RNF157: variants seen among roughly 807,000 people sequenced by gnomAD.
RNF157 encodes ring finger protein 157, also known as E3 ubiquitin ligase RNF157.
RNF157 carries 55 observed loss-of-function variants against 88.3 expected under a neutral mutation model. The observed-to-expected ratio is 0.62, with a 90% CI of 0.50 to 0.78. RNF157 has a LOEUF of 0.78. RNF157 is among the 30% of genes least tolerant of loss of function. RNF157 has a pLI of 0.00. For missense variants in RNF157, 788 were observed against 860.8 expected (o/e 0.92, Z 1.06); for synonymous variants, 334 against 341.2 (o/e 0.98, Z 0.23).
At chr17:76,171,185 C>T (rs973429931) in intron 3 of RNF157, among the ~76,000 whole-genome samples, 14 of 149,760 alleles carry the variant, frequency 9.3e-5, no homozygotes, top group Non-Finnish European at 1.8e-4. Flanking sequence ...AGCCACTGCA[C>T]CGGGCCTTAT....
intron 1 of RNF157, among the ~76,000 whole-genome samples, chr17:76,214,103 A>G (rs923825117): frequency 6.6e-6 from 1 of 152,222 alleles, no homozygotes; most frequent in Non-Finnish European, 1.5e-5. Flanking sequence ...TTGGAAGCAC[A>G]GGTAAAACAA....
intron 2 of RNF157, among the ~76,000 whole-genome samples, chr17:76,204,289 T>C (rs972924930): frequency 1.3e-5 from 2 of 152,168 alleles, no homozygotes; most frequent in Non-Finnish European, 2.9e-5. Context: ...TAGGAAATCC[T>C]ACTTATCCCT....
At chr17:76,185,691 G>C (rs190164071) in intron 2 of RNF157, among the ~76,000 whole-genome samples, 1 of 151,802 alleles carries the variant, frequency 6.6e-6, no homozygotes, top group Non-Finnish European at 1.5e-5. Context: ...GGATGGTCTC[G>C]ATCTCCTGAC....
chr17:76,204,592 A>G (rs544740428), intron 2 of RNF157, among the ~76,000 whole-genome samples: 249 of 152,330 alleles, frequency 1.6e-3, no homozygotes, highest in African/African-American at 5.6e-3. Context: ...ACAAAGCTCT[A>G]TAAGTGCAAA....
chr17:76,210,333 C>T (rs1036048679), intron 2 of RNF157, among the ~76,000 whole-genome samples: 1 of 151,882 alleles, frequency 6.6e-6, no homozygotes, highest in Admixed American at 6.6e-5. Context: ...GTGGCTCATG[C>T]CTGTAATCCC....
chr17:76,208,204 T>C (rs2069714500), intron 2 of RNF157, among the ~76,000 whole-genome samples: 1 of 152,204 alleles, frequency 6.6e-6, no homozygotes, highest in African/African-American at 2.4e-5. Flanking sequence ...ACTACAGGCA[T>C]GAGCCACTGT....
At chr17:76,226,007 T>A in intron 1 of RNF157, 1 of 1,611,462 alleles carries the variant, frequency 6.2e-7, no homozygotes, top group Non-Finnish European at 8.5e-7. Context: ...TGCTACCATC[T>A]TCTCTCCAGG....
At chr17:76,158,537 C>T (rs373548467) in intron 12 of RNF157, 36 bp from the exon 13 acceptor site, 79 of 1,435,426 alleles carry the variant, frequency 5.5e-5, no homozygotes, top group Admixed American at 2.2e-4. Context: ...CTATATCCAA[C>T]GTCCATTTAA....
chr17:76,189,498 T>G (rs1318065049), intron 2 of RNF157, among the ~76,000 whole-genome samples: 1 of 152,196 alleles, frequency 6.6e-6, no homozygotes, highest in Non-Finnish European at 1.5e-5. Flanking sequence ...ATGAGCTCCA[T>G]AACAGCGACC....
At chr17:76,162,069 G>C (rs1423579249) in intron 9 of RNF157, 67 bp from the exon 10 acceptor site, 1 of 1,508,780 alleles carries the variant, frequency 6.6e-7, no homozygotes, top group Admixed American at 1.9e-5. Context: ...TTACTGACAA[G>C]GCAGCGTGGC....
At chr17:76,216,669 C>T (rs1056810866) in intron 1 of RNF157, among the ~76,000 whole-genome samples, 1 of 152,016 alleles carries the variant, frequency 6.6e-6, no homozygotes, top group African/African-American at 2.4e-5. Context: ...TGTTGTAAAT[C>T]TATATCTACT....
chr17:76,182,336 T>A (rs2069202380), intron 2 of RNF157, among the ~76,000 whole-genome samples: 1 of 152,034 alleles, frequency 6.6e-6, no homozygotes, highest in Non-Finnish European at 1.5e-5. Context: ...TACCAGCACA[T>A]CACATCGGCA....
At chr17:76,221,305 T>C (rs1335072030) in intron 1 of RNF157, among the ~76,000 whole-genome samples, 3 of 152,084 alleles carry the variant, frequency 2.0e-5, no homozygotes, top group African/African-American at 7.2e-5. Context: ...AACAAAGTAG[T>C]CTTACCAAAG....
chr17:76,221,239 C>T (rs2069977417), intron 1 of RNF157, among the ~76,000 whole-genome samples: 1 of 152,100 alleles, frequency 6.6e-6, no homozygotes, highest in Admixed American at 6.6e-5. Flanking sequence ...TCATCCATTA[C>T]CAAACCTCTC....
intron 1 of RNF157, chr17:76,225,755 G>A: frequency 6.5e-7 from 1 of 1,528,450 alleles, no homozygotes; most frequent in Non-Finnish European, 8.7e-7. Context: ...CCTCAACTAG[G>A]GGACCCTTTT....
intron 2 of RNF157, among the ~76,000 whole-genome samples, chr17:76,204,092 C>T (rs962717585): frequency 6.6e-6 from 1 of 152,166 alleles, no homozygotes; most frequent in African/African-American, 2.4e-5. Context: ...ATACAATATT[C>T]ATAGCTCTTC....
At chr17:76,204,390 C>G (rs768849386) in intron 2 of RNF157, among the ~76,000 whole-genome samples, 1 of 152,196 alleles carries the variant, frequency 6.6e-6, no homozygotes, top group Non-Finnish European at 1.5e-5. Flanking sequence ...GGTCCTCTCT[C>G]GTAGAACCTA....
At chr17:76,193,650 C>T (rs936360858) in intron 2 of RNF157, among the ~76,000 whole-genome samples, 39 of 151,482 alleles carry the variant, frequency 2.6e-4, no homozygotes, top group African/African-American at 9.7e-5. Flanking sequence ...TCTAAGGTAA[C>T]GTGAGAGTTA....
At chr17:76,155,778 G>A in intron 14 of RNF157, 44 bp from the exon 15 acceptor site, 1 of 1,465,750 alleles carries the variant, frequency 6.8e-7, no homozygotes, top group Non-Finnish European at 9.1e-7. Flanking sequence ...AGGTCAGGCA[G>A]GGCTTCTGCA....
Sources: gnomAD v4.1 joint callset for allele counts (sites outside exome capture counted in the v4.1 genomes callset) on GRCh38, gnomAD v4.1.1 for gene constraint, MANE v1.5 for transcripts, NCBI Gene and HGNC (gene_info 2026-07-23, HGNC 2026-07-21) for gene names.